Variants in IQCE observed in about 807,000 individuals in gnomAD.
The protein encoded by IQCE is IQ domain-containing protein E.
Under a neutral mutation model 96.0 loss-of-function variants are expected in IQCE, and 115 were observed. The observed-to-expected ratio is 1.20, with a 90% CI of 1.03 to 1.40. The LOEUF is 1.40. Ranked by LOEUF, IQCE falls within the 40% of genes most tolerant of loss-of-function variation. IQCE has a pLI of 0.00. For missense variants in IQCE, 1,041 were observed against 909.1 expected (o/e 1.15, Z -1.87); for synonymous variants, 412 against 371.2 (o/e 1.11, Z -1.26).
At chr7:2,608,493 A>C (rs1784975049) in intron 21 of IQCE, among the ~76,000 whole-genome samples, 1 of 152,206 alleles carries the variant, frequency 6.6e-6, no homozygotes, top group South Asian at 2.1e-4. Context: ...TTGAACTTTG[A>C]TATTCTCTCC....
chr7:2,569,448 G>C (rs1023018314), intron 3 of IQCE, among the ~76,000 whole-genome samples: 2 of 152,094 alleles, frequency 1.3e-5, no homozygotes, highest in Non-Finnish European at 2.9e-5. Context: ...TTTCCCCTTT[G>C]GATCATCCTG....
intron 12 of IQCE, among the ~76,000 whole-genome samples, chr7:2,586,648 G>GT (rs1439243920): frequency 6.6e-6 from 1 of 152,246 alleles, no homozygotes; most frequent in Non-Finnish European, 1.5e-5. Flanking sequence ...TCAGATGGCT[G>GT]TAAGTGCCAT....
intron 1 of IQCE, among the ~76,000 whole-genome samples, chr7:2,563,964 C>T (rs1438885016): frequency 2.0e-5 from 3 of 150,740 alleles, no homozygotes; most frequent in Non-Finnish European, 4.4e-5. Flanking sequence ...AATCCCAGCA[C>T]TTTGGGAGGC....
At chr7:2,559,341 C>G in intron 1 of IQCE, 124 bp downstream of exon 1, 1 of 424,592 alleles carries the variant, frequency 2.4e-6, no homozygotes, top group Non-Finnish European at 3.7e-6. Flanking sequence ...GGCGCACGGC[C>G]GGGTGACAGC....
chr7:2,564,969 T>A (rs1781252102), intron 1 of IQCE, among the ~76,000 whole-genome samples: 1 of 152,214 alleles, frequency 6.6e-6, no homozygotes, highest in Admixed American at 6.5e-5. Flanking sequence ...ATTTCTTCTG[T>A]TACAACCACC....
Position 2,610,089 on chromosome 7 carries a change from A to G in IQCE, c.2015A>G (p.Asp672Gly). The G allele has an allele frequency of 6.2e-7, 1 of 1,613,020 alleles. No individual in the cohort carries two copies. The highest frequency in any genetic ancestry group is 1.3e-5 in the African/African-American group (1 of 74,984). The stretch of plus-strand genomic sequence containing the variant: ...CAGGCCTTGGCACCTCTACCTGGGG[A>G]TGACGTCAACTCCGATGATTCCGAC... ...GPQALAPLPGDDVNSDDSDDI... is the reference protein window; with the variant it reads ...GPQALAPLPGGDVNSDDSDDI... The change falls in exon 22 of 22, where the codon GAT becomes GGT. Residue 672 changes from aspartate (D) to glycine (G), a missense_variant. Transcript: ENST00000402050.
At chr7:2,597,632 G>GAT (rs1236491978) in intron 16 of IQCE, among the ~76,000 whole-genome samples, 4 of 152,232 alleles carry the variant, frequency 2.6e-5, no homozygotes, top group African/African-American at 9.6e-5. Flanking sequence ...TCCTATGGAT[G>GAT]ATACATTTGG....
chr7:2,592,510 G>A (rs955592282), intron 14 of IQCE, among the ~76,000 whole-genome samples: 4 of 152,174 alleles, frequency 2.6e-5, no homozygotes, highest in Admixed American at 6.5e-5. Flanking sequence ...GTCGGGGCTC[G>A]CAGACAGCAT....
intron 15 of IQCE, among the ~76,000 whole-genome samples, chr7:2,594,515 C>T (rs1353376554): frequency 6.6e-6 from 1 of 152,264 alleles, no homozygotes; most frequent in East Asian, 1.9e-4. Context: ...TGGCCTTGGC[C>T]TCCTAGAGGG....
intron 18 of IQCE, among the ~76,000 whole-genome samples, chr7:2,603,058 C>T (rs2128470362): frequency 6.6e-6 from 1 of 152,294 alleles, no homozygotes; most frequent in South Asian, 2.1e-4. Flanking sequence ...CTAGACCTGC[C>T]CCACAGACAC....
At chr7:2,585,048 A>C (rs1386993029) in intron 11 of IQCE, among the ~76,000 whole-genome samples, 2 of 140,548 alleles carry the variant, frequency 1.4e-5, no homozygotes, top group Non-Finnish European at 3.1e-5. Context: ...TGCTCATAAC[A>C]TTTTTTTTTT....
At chr7:2,601,695 A>G (rs1784444652) in intron 18 of IQCE, 1 of 486,874 alleles carries the variant, frequency 2.1e-6, no homozygotes, top group Non-Finnish European at 3.7e-6. Flanking sequence ...GATTACAGGG[A>G]TGCACCACTG....
intron 2 of IQCE, among the ~76,000 whole-genome samples, chr7:2,567,415 G>T (rs1781459911): frequency 6.6e-6 from 1 of 152,232 alleles, no homozygotes; most frequent in African/African-American, 2.4e-5. Context: ...CTAGTCCCTG[G>T]CCTGCAGCTG....
chr7:2,608,650 G>A (rs900958017), intron 21 of IQCE, among the ~76,000 whole-genome samples: 1 of 152,186 alleles, frequency 6.6e-6, no homozygotes, highest in Non-Finnish European at 1.5e-5. Context: ...CGATTCTACC[G>A]GCTTCGCCAG....
At position 2,572,192 on chromosome 7, in the gene IQCE, G is replaced by A. The variant is rs1165531109; in HGVS notation, c.260G>A (p.Gly87Glu). The A allele has an allele frequency of 1.2e-6, 2 of 1,612,226 alleles. No homozygotes were observed. Among genetic ancestry groups the A allele is most frequent in the Non-Finnish European group, 1.7e-6 (2 of 1,179,298 alleles). ...QKLWLGTAKP[G>E]SLTQALNSPL... ...TTAAACCCATGCACATTCAAACCAG[G>A]AAGTCTGACCCAGGCCCTGAACTCA... Residue 87 changes from glycine to glutamate, a missense_variant and splice_region_variant, in exon 5 of 22, where the codon GGA becomes GAA. Coordinates refer to ENST00000402050, the MANE Select transcript of IQCE (RefSeq NM_152558.5).
chr7:2,582,885 G>A (rs1414178026), intron 9 of IQCE, among the ~76,000 whole-genome samples: 1 of 152,046 alleles, frequency 6.6e-6, no homozygotes, highest in Non-Finnish European at 1.5e-5. Context: ...TGCTTGTTCT[G>A]TGGACCCCTG....
chr7:2,604,942 G>A lies in IQCE; in HGVS notation c.1694G>A (p.Ser565Asn). 1.2e-6 allele frequency: 2 copies of A among 1,613,728 alleles called. No homozygotes were observed. The highest frequency in any genetic ancestry group is 4.5e-5 in the East Asian group (2 of 44,876). The change falls in exon 19 of 22, where the codon AGC becomes AAC. Residue 565 changes from serine (S) to asparagine (N), a missense_variant. Transcript: ENST00000402050. ...GHLTRTKLLASKAHGSEPPSV... is the reference protein window; with the variant it reads ...GHLTRTKLLANKAHGSEPPSV... ...CTCACGCGGACAAAGCTCTTAGCAA[G>A]CAAAGCACATGGCTCAGAGCCACCC...
intron 15 of IQCE, among the ~76,000 whole-genome samples, chr7:2,593,970 A>G (rs1783817029): frequency 6.6e-6 from 1 of 152,252 alleles, no homozygotes. Flanking sequence ...ACCGGAATGA[A>G]GAAAACTGTG....
At chr7:2,576,935 G>C (rs1291640888) in intron 6 of IQCE, among the ~76,000 whole-genome samples, 1 of 152,200 alleles carries the variant, frequency 6.6e-6, no homozygotes, top group African/African-American at 2.4e-5. Context: ...CGGTGTTGGC[G>C]GTATTCGTTT....
Sources: gnomAD v4.1 joint callset for allele counts (sites outside exome capture counted in the v4.1 genomes callset) on GRCh38, gnomAD v4.1.1 for gene constraint, MANE v1.5 for transcripts, NCBI Gene and HGNC (gene_info 2026-07-23, HGNC 2026-07-21) for gene names.